Variants in GFRA2 observed in about 807,000 individuals in gnomAD.
GFRA2 encodes the protein GDNF family receptor alpha 2.
In GFRA2, 17 loss-of-function variants were observed where a neutral mutation model predicts 48.3. The observed-to-expected ratio is 0.35, with a 90% confidence interval of 0.24 to 0.53. The LOEUF is 0.53. GFRA2 is among the 20% of genes least tolerant of loss of function. GFRA2 has a pLI of 0.93. For missense variants in GFRA2, 660 were observed against 637.3 expected, an observed-to-expected ratio of 1.04 and a Z score of -0.38; for synonymous variants, 305 against 257.2, an observed-to-expected ratio of 1.19 and a Z score of -1.78.
chr8:21,738,788 G>A lies in GFRA2; in HGVS notation c.794+11800C>T, dbSNP rs536520855. Among the ~76,000 whole-genome samples, 277 of 152,250 alleles carry A rather than the reference G, an allele frequency of 1.8e-3. 1 individual carries two copies. Among genetic ancestry groups the A allele is most frequent in the African/African-American group, 6.3e-3 (261 of 41,540 alleles). ...CACCAAGCCTGTGGGGGCCGGCCCC[G>A]CATGTGACAGCCAGGGCAAGCCTGT... On this transcript the variant is annotated intron_variant, in intron 4 of 8. Coordinates refer to ENST00000524240, the MANE Select transcript of GFRA2 (RefSeq NM_001495.5).
intron 7 of GFRA2, among the ~76,000 whole-genome samples, chr8:21,697,363 A>G (rs1419112448): frequency 1.3e-5 from 2 of 151,966 alleles, no homozygotes; most frequent in Non-Finnish European, 2.9e-5. Context: ...GCTGAGGACA[A>G]CCACTGTACC....
At chr8:21,780,487 G>A (rs1806927099) in intron 2 of GFRA2, among the ~76,000 whole-genome samples, 1 of 151,966 alleles carries the variant, frequency 6.6e-6, no homozygotes, top group African/African-American at 2.4e-5. Flanking sequence ...TCCGGGGTCT[G>A]TTACCGCCCT....
rs887982402 is a variant in GFRA2, at chr8:21,704,083, T to C, written c.1045+902A>G. On this transcript the variant is annotated intron_variant, in intron 6 of 8. Transcript: ENST00000524240. ...CCTGTCCAGATAACTCTTGCCACTC[T>C]GGTCATCTTCAGTGCTATGTAGCAA... 3.3e-5 allele frequency among the ~76,000 whole-genome samples: 5 copies of C among 152,252 alleles called. 1 individual carries two copies. The highest frequency in any genetic ancestry group is 1.2e-4 in the African/African-American group (5 of 41,462).
At chr8:21,775,993 G>GTGTT (rs1421871731) in intron 2 of GFRA2, among the ~76,000 whole-genome samples, 1 of 35,802 alleles carries the variant, frequency 2.8e-5, no homozygotes, top group African/African-American at 1.2e-4. Flanking sequence ...CATCCTCTGT[G>GTGTT]TGTGTGTGTG....
chr8:21,754,246 G>A (rs1330945764), intron 3 of GFRA2, among the ~76,000 whole-genome samples: 1 of 152,206 alleles, frequency 6.6e-6, no homozygotes, highest in East Asian at 1.9e-4. Context: ...CTAGTACCCT[G>A]TGTTTGACAG....
At chr8:21,734,894 C>T (rs1804373634) in intron 4 of GFRA2, among the ~76,000 whole-genome samples, 1 of 152,200 alleles carries the variant, frequency 6.6e-6, no homozygotes, top group African/African-American at 2.4e-5. Context: ...TGGGAACTGC[C>T]CAGGGCAAAC....
At chr8:21,810,653 C>A (rs1807960328) in intron 1 of GFRA2, among the ~76,000 whole-genome samples, 1 of 152,166 alleles carries the variant, frequency 6.6e-6, no homozygotes, top group Non-Finnish European at 1.5e-5. Context: ...TGGGAAGGGG[C>A]TGCAGGCACT....
chr8:21,749,640 C>G (rs888104062), intron 4 of GFRA2, among the ~76,000 whole-genome samples: 1 of 152,040 alleles, frequency 6.6e-6, no homozygotes. Context: ...TAGGCAGAAA[C>G]TTTCTTCAGA....
chr8:21,710,857 G>C (rs1802987732), intron 4 of GFRA2, among the ~76,000 whole-genome samples: 1 of 152,204 alleles, frequency 6.6e-6, no homozygotes, highest in African/African-American at 2.4e-5. Context: ...AGCAGCCTTG[G>C]CAAGATAAAG....
intron 4 of GFRA2, among the ~76,000 whole-genome samples, chr8:21,741,025 C>T (rs941802080): frequency 5.9e-5 from 9 of 152,212 alleles, no homozygotes; most frequent in Admixed American, 5.9e-4. Context: ...TAACCTCCTC[C>T]CTGGCCTCTC....
At chr8:21,806,402 A>G (rs1041081933) in intron 1 of GFRA2, among the ~76,000 whole-genome samples, 8 of 152,240 alleles carry the variant, frequency 5.3e-5, no homozygotes, top group African/African-American at 9.6e-5. Flanking sequence ...GTAGGCTAAT[A>G]TAAGTGTTCT....
intron 4 of GFRA2, among the ~76,000 whole-genome samples, chr8:21,732,145 C>T (rs1804229154): frequency 6.6e-6 from 1 of 152,244 alleles, no homozygotes; most frequent in South Asian, 2.1e-4. Context: ...AAGGAAGCTG[C>T]CTCTTACATT....
At chr8:21,724,056 T>C (rs1180333027) in intron 4 of GFRA2, among the ~76,000 whole-genome samples, 4 of 152,194 alleles carry the variant, frequency 2.6e-5, no homozygotes, top group Non-Finnish European at 5.9e-5. Flanking sequence ...AGAGGCCATC[T>C]GCCCACAGAG....
At chr8:21,730,400 T>C (rs934323510) in intron 4 of GFRA2, among the ~76,000 whole-genome samples, 2 of 86,898 alleles carry the variant, frequency 2.3e-5, no homozygotes, top group Non-Finnish European at 3.1e-5. Flanking sequence ...CAAAACTCTG[T>C]CTCAAAAAAA....
intron 2 of GFRA2, 65 bp downstream of exon 2, chr8:21,782,520 C>CCGCCACA: frequency 7.9e-7 from 1 of 1,261,394 alleles, no homozygotes; most frequent in Non-Finnish European, 1.1e-6. Context: ...AACCCCTGGC[C>CCGCCACA]CGCCACACGT....
chr8:21,778,615 G>A (rs1398786015), intron 2 of GFRA2, among the ~76,000 whole-genome samples: 5 of 152,350 alleles, frequency 3.3e-5, no homozygotes, highest in African/African-American at 4.8e-5. Context: ...CAGGCAGGAC[G>A]CAGCGGCTTA....
rs558304736 is a variant in GFRA2 at position 21,747,552 on chromosome 8, C to T, written c.794+3036G>A. Among the ~76,000 whole-genome samples the T allele has an allele frequency of 4.6e-5, 7 of 152,230 alleles. No individual in the cohort carries two copies. In the East Asian group the frequency reaches 1.4e-3, roughly 29 times the overall value. On this transcript the variant is annotated intron_variant, in intron 4 of 8. Coordinates refer to ENST00000524240, the MANE Select transcript of GFRA2 (RefSeq NM_001495.5). The stretch of plus-strand genomic sequence containing the variant: ...CTAGCTCTGGGATCAGGCCCCTCTC[C>T]GAACTCCAGGAGAGCTTGGTCTGCA...
At chr8:21,773,071 G>C (rs1806514159) in intron 3 of GFRA2, among the ~76,000 whole-genome samples, 1 of 152,194 alleles carries the variant, frequency 6.6e-6, no homozygotes, top group Non-Finnish European at 1.5e-5. Flanking sequence ...CTGCTTCTGA[G>C]CCCCAGAGCA....
intron 2 of GFRA2, among the ~76,000 whole-genome samples, chr8:21,776,377 C>T (rs1806708036): frequency 1.3e-5 from 2 of 152,106 alleles, no homozygotes; most frequent in South Asian, 4.2e-4. Flanking sequence ...TTTCACGTCA[C>T]CTCCTAAAAG....
Sources: allele counts gnomAD v4.1 joint callset (sites outside exome capture counted in the v4.1 genomes callset), GRCh38; gene constraint gnomAD v4.1.1; transcripts MANE v1.5; gene names NCBI Gene and HGNC (gene_info 2026-07-23, HGNC 2026-07-21).